MAGI2: variants seen among roughly 807,000 people sequenced by gnomAD.
MAGI2 encodes membrane associated guanylate kinase, WW and PDZ domain containing 2.
Under a neutral mutation model 133.3 loss-of-function variants are expected in MAGI2, and 35 were observed. That is an observed-to-expected ratio of 0.26 (90% confidence interval 0.20 to 0.35). The LOEUF (loss-of-function observed/expected upper bound fraction) is 0.35, where lower values mean the gene tolerates loss of function less well. Among genes scored for constraint, MAGI2 ranks in the 10% least tolerant of loss-of-function variants. The pLI is 1.00. For synonymous variants in MAGI2, 729 were observed against 710.6 expected, an observed-to-expected ratio of 1.03 and a Z score of -0.41; for missense variants, 1,636 against 1,863.4, an observed-to-expected ratio of 0.88 and a Z score of 2.25.
intron 2 of MAGI2, among the ~76,000 whole-genome samples, chr7:78,849,381 A>G (rs979132760): frequency 6.6e-6 from 1 of 152,048 alleles, no homozygotes; most frequent in Non-Finnish European, 1.5e-5. Context: ...ATCCTACCAC[A>G]TTCCAGCAGA....
chr7:78,364,140 G>A (rs1291063026), intron 7 of MAGI2, among the ~76,000 whole-genome samples: 4 of 152,168 alleles, frequency 2.6e-5, no homozygotes, highest in Non-Finnish European at 5.9e-5. Flanking sequence ...TGGCCACTAA[G>A]TGGCCAAAAT....
chr7:78,641,261 G>A (rs1810275059), intron 2 of MAGI2, among the ~76,000 whole-genome samples: 1 of 152,002 alleles, frequency 6.6e-6, no homozygotes, highest in African/African-American at 2.4e-5. Flanking sequence ...TTAACCTCCT[G>A]GAAAAAGGCT....
At chr7:78,534,532 A>T (rs571916814) in intron 3 of MAGI2, among the ~76,000 whole-genome samples, 83 of 152,320 alleles carry the variant, frequency 5.4e-4, no homozygotes, top group African/African-American at 1.9e-3. Context: ...AAAATTAGCA[A>T]CATTTCTGCT....
At chr7:78,933,457 T>G (rs951774732) in intron 2 of MAGI2, among the ~76,000 whole-genome samples, 10 of 152,152 alleles carry the variant, frequency 6.6e-5, no homozygotes, top group African/African-American at 2.4e-4. Context: ...CAGTTGTGTA[T>G]GCTTGGCACA....
intron 3 of MAGI2, among the ~76,000 whole-genome samples, chr7:78,622,231 T>A (rs1020687548): frequency 6.6e-6 from 1 of 151,988 alleles, no homozygotes; most frequent in Non-Finnish European, 1.5e-5. Context: ...GTCTTATGGA[T>A]CCCACATAGT....
intron 2 of MAGI2, among the ~76,000 whole-genome samples, chr7:78,815,991 G>T (rs1438812073): frequency 6.6e-6 from 1 of 152,158 alleles, no homozygotes; most frequent in Non-Finnish European, 1.5e-5. Context: ...AAGCTGAACT[G>T]CAGGCTTCTT....
chr7:78,417,986 C>A (rs1798454356), intron 6 of MAGI2, among the ~76,000 whole-genome samples: 1 of 152,094 alleles, frequency 6.6e-6, no homozygotes, highest in Non-Finnish European at 1.5e-5. Flanking sequence ...ACATTGTTTT[C>A]ACTCCATTTG....
chr7:79,174,144 G>T (rs189197642), intron 1 of MAGI2, among the ~76,000 whole-genome samples: 89 of 152,110 alleles, frequency 5.9e-4, no homozygotes, highest in Admixed American at 1.4e-3. Context: ...TCTAGATTGT[G>T]ATGTAAAATT....
intron 21 of MAGI2, among the ~76,000 whole-genome samples, chr7:78,077,725 G>GTTTTTTTTTTT (rs538030969): frequency 2.0e-4 from 20 of 101,242 alleles, no homozygotes; most frequent in East Asian, 5.7e-4. Flanking sequence ...TCTTTAGAAT[G>GTTTTTTTTTTT]TTTTTTTTTT....
chr7:78,946,807 A>T (rs1801452144), intron 2 of MAGI2: 1 of 152,116 alleles, frequency 6.6e-6, no homozygotes, highest in Admixed American at 6.6e-5. Flanking sequence ...GTCTTCAGTT[A>T]AAAAATATAT....
chr7:78,156,781 A>T (rs143793261), intron 16 of MAGI2, among the ~76,000 whole-genome samples: 48 of 151,874 alleles, frequency 3.2e-4, no homozygotes, highest in Non-Finnish European at 6.8e-4. Context: ...AACAGCACTT[A>T]GTCCACCAAG....
intron 5 of MAGI2, 89 bp downstream of exon 5, chr7:78,501,488 T>C (rs1466279346): frequency 2.6e-6 from 3 of 1,162,456 alleles, no homozygotes; most frequent in Non-Finnish European, 3.6e-6. Flanking sequence ...TTTTTTCTTT[T>C]TTTTTTTTTT....
chr7:78,885,659 T>C (rs1207140878), intron 2 of MAGI2, among the ~76,000 whole-genome samples: 1 of 83,780 alleles, frequency 1.2e-5, no homozygotes, highest in Non-Finnish European at 3.2e-5. Flanking sequence ...GTGTGTATTT[T>C]ATATAAAATA....
At chr7:78,245,491 A>T (rs367906099) in intron 10 of MAGI2, among the ~76,000 whole-genome samples, 12 of 152,320 alleles carry the variant, frequency 7.9e-5, no homozygotes, top group South Asian at 2.1e-4. Flanking sequence ...ACAACAGATA[A>T]GTAATTACAT....
chr7:78,852,461 G>C (rs1204609877), intron 2 of MAGI2, among the ~76,000 whole-genome samples: 2 of 151,708 alleles, frequency 1.3e-5, no homozygotes, highest in Non-Finnish European at 2.9e-5. Flanking sequence ...CATACCAAGA[G>C]GTCACAAAGA....
intron 1 of MAGI2, among the ~76,000 whole-genome samples, chr7:79,081,822 G>C (rs914917259): frequency 2.0e-5 from 3 of 152,024 alleles, no homozygotes; most frequent in African/African-American, 7.2e-5. Context: ...TTCAGACATA[G>C]ACCCTTCATA....
chr7:78,504,499 C>G (rs1330966848), intron 4 of MAGI2, among the ~76,000 whole-genome samples: 2 of 152,034 alleles, frequency 1.3e-5, no homozygotes, highest in East Asian at 3.9e-4. Flanking sequence ...TTCCTTAACT[C>G]AGAAACTAGA....
At chr7:78,068,029 A>G (rs1371255795) in intron 21 of MAGI2, among the ~76,000 whole-genome samples, 1 of 152,222 alleles carries the variant, frequency 6.6e-6, no homozygotes, top group Non-Finnish European at 1.5e-5. Context: ...GTCTACACCC[A>G]TAGAATGTGC....
At chr7:78,028,848 C>CAAAAAAAAAAAAAAAAAA in intron 21 of MAGI2, among the ~76,000 whole-genome samples, 1 of 84,452 alleles carries the variant, frequency 1.2e-5, no homozygotes, top group Non-Finnish European at 2.4e-5. Context: ...GACTCCATCT[C>CAAAAAAAAAAAAAAAAAA]AAAAAAAAAA....
Sources: allele counts gnomAD v4.1 joint callset (sites outside exome capture counted in the v4.1 genomes callset), GRCh38; gene constraint gnomAD v4.1.1; transcripts MANE v1.5; gene names NCBI Gene and HGNC (gene_info 2026-07-23, HGNC 2026-07-21).